The following CEP63 variants were observed in gnomAD, a reference collection of about 807,000 sequenced individuals.
CEP63 encodes centrosomal protein of 63 kDa.
A neutral mutation model predicts 89.1 loss-of-function variants in CEP63; 84 were observed. The observed-to-expected ratio is 0.94, with a 90% confidence interval of 0.79 to 1.13. CEP63 has a LOEUF of 1.13. Ranked by LOEUF, CEP63 falls within the 50% of genes most tolerant of loss-of-function variation. The probability of loss-of-function intolerance (pLI) is 0.00; values close to 1 mark genes in which losing one functional copy is unlikely to be tolerated. For missense variants in CEP63, 838 were observed against 813.3 expected (o/e 1.03, Z -0.37); for synonymous variants, 267 against 272.5 (o/e 0.98, Z 0.20).
At chr3:134,682,665 G>A in the CEP63 span, among the ~76,000 whole-genome samples, 2 of 152,196 alleles carry the variant, frequency 1.3e-5, no homozygotes, top group African/African-American at 4.8e-5. Flanking sequence ...GCATTGAGGA[G>A]TCTATTAGGA....
the CEP63 span, among the ~76,000 whole-genome samples, chr3:134,751,074 A>G: frequency 6.6e-6 from 1 of 152,246 alleles, no homozygotes; most frequent in Non-Finnish European, 1.5e-5. Flanking sequence ...AACTGGAATC[A>G]CACAATATGT....
the CEP63 span, among the ~76,000 whole-genome samples, chr3:134,662,504 C>T: frequency 6.6e-6 from 1 of 152,186 alleles, no homozygotes; most frequent in African/African-American, 2.4e-5. Flanking sequence ...TGGATGCCCA[C>T]TCTATGCTGG....
chr3:134,667,163 G>A, the CEP63 span, among the ~76,000 whole-genome samples: 2 of 152,140 alleles, frequency 1.3e-5, no homozygotes, highest in East Asian at 1.9e-4. Flanking sequence ...CCTTCATACC[G>A]CTGGCCCAGA....
At chr3:134,550,990 G>A (rs893869712) in intron 11 of CEP63, among the ~76,000 whole-genome samples, 16 of 152,326 alleles carry the variant, frequency 1.1e-4, no homozygotes, top group African/African-American at 3.6e-4. Flanking sequence ...TTAAGGAATG[G>A]TGCTCCACAG....
chr3:134,620,770 T>C, the CEP63 span: 1 of 1,613,668 alleles, frequency 6.2e-7, no homozygotes. Context: ...CAGATCCAGA[T>C]CCAGATGGCG....
the CEP63 span, among the ~76,000 whole-genome samples, chr3:134,782,267 G>T: frequency 6.6e-6 from 1 of 152,134 alleles, no homozygotes; most frequent in Non-Finnish European, 1.5e-5. Flanking sequence ...ATCCTTGAGT[G>T]TTTGGATTAG....
rs1418159247 is a variant in CEP63 at position 134,561,895 on chromosome 3, ACTTT to A, written c.*365_*368del. The A allele has an allele frequency of 9.4e-6, 10 of 1,067,120 alleles. No individual in the cohort carries two copies. The African/African-American group carries it at 1.7e-4, about 18-fold the overall frequency. The allele number at this position is 1,067,120 out of a possible 1,614,324, so 66.1% of individuals were successfully genotyped here. On this transcript the variant is annotated 3_prime_UTR_variant, in exon 15 of 15. Coordinates refer to ENST00000675561, the MANE Select transcript of CEP63 (RefSeq NM_001353108.3). Reference sequence around the variant, plus strand: ...TGTTGAAAATAAAGTAACTGCAGGAACTTTCTTTAGGGGAAATGTGTAGAAGCAT... The same window carrying A: ...TGTTGAAAATAAAGTAACTGCAGGAACTTTAGGGGAAATGTGTAGAAGCAT...
At chr3:134,626,619 T>A in the CEP63 span, among the ~76,000 whole-genome samples, 6 of 152,274 alleles carry the variant, frequency 3.9e-5, no homozygotes, top group East Asian at 1.2e-3. Flanking sequence ...TCTGGTGCTA[T>A]TAGACCTGAG....
chr3:134,623,802 G>C, the CEP63 span, among the ~76,000 whole-genome samples: 1 of 152,138 alleles, frequency 6.6e-6, no homozygotes, highest in African/African-American at 2.4e-5. Context: ...AGCTCACGCT[G>C]TTGACCACGT....
the CEP63 span, among the ~76,000 whole-genome samples, chr3:134,766,712 A>G: frequency 6.6e-6 from 1 of 152,206 alleles, no homozygotes; most frequent in Non-Finnish European, 1.5e-5. Context: ...GGGCAGACAA[A>G]TCACATGTAA....
chr3:134,605,972 TTCTC>T, the CEP63 span, among the ~76,000 whole-genome samples: 1 of 152,204 alleles, frequency 6.6e-6, no homozygotes, highest in Non-Finnish European at 1.5e-5. Context: ...TCTACATGCT[TTCTC>T]TACTGCCTTC....
chr3:134,487,594 TC>T (rs1936048653), intron 1 of CEP63, among the ~76,000 whole-genome samples: 1 of 152,198 alleles, frequency 6.6e-6, no homozygotes, highest in South Asian at 2.1e-4. Context: ...GACTTGAAAT[TC>T]AGCTAAAGCC....
chr3:134,509,683 G>A (rs1944379137), intron 3 of CEP63, among the ~76,000 whole-genome samples: 1 of 152,094 alleles, frequency 6.6e-6, no homozygotes, highest in Non-Finnish European at 1.5e-5. Context: ...TAAAAAAACA[G>A]ATCTGTTCCA....
intron 10 of CEP63, among the ~76,000 whole-genome samples, chr3:134,583,804 A>T (rs1402744443): frequency 6.6e-6 from 1 of 152,142 alleles, no homozygotes. Context: ...GATTCCTCCT[A>T]TCCATGAGTA....
chr3:134,735,206 C>T, the CEP63 span, among the ~76,000 whole-genome samples: 2 of 152,156 alleles, frequency 1.3e-5, no homozygotes, highest in Admixed American at 1.3e-4. Context: ...TTTTCTATAA[C>T]TTCATCAAGC....
the CEP63 span, among the ~76,000 whole-genome samples, chr3:134,775,628 C>T: frequency 6.6e-6 from 1 of 152,094 alleles, no homozygotes; most frequent in Admixed American, 6.5e-5. Flanking sequence ...CCCTACTAAA[C>T]TTGCACCCTA....
chr3:134,591,921 A>G (rs370417053), downstream of CEP63, among the ~76,000 whole-genome samples: 1 of 150,662 alleles, frequency 6.6e-6, no homozygotes, highest in Non-Finnish European at 1.5e-5. Flanking sequence ...CCAGACTGAG[A>G]TACTAAAATG....
the CEP63 span, among the ~76,000 whole-genome samples, chr3:134,669,560 C>T: frequency 1.6e-3 from 241 of 152,282 alleles, no homozygotes; most frequent in African/African-American, 5.4e-3. Context: ...GATTGATCAG[C>T]TTCCGCATGG....
chr3:134,496,089 C>T (rs1310933169), intron 2 of CEP63, among the ~76,000 whole-genome samples: 1 of 152,108 alleles, frequency 6.6e-6, no homozygotes, highest in East Asian at 1.9e-4. Context: ...GATAGATTAC[C>T]CAATAGTGTG....
Sources: allele counts gnomAD v4.1 joint callset (sites outside exome capture counted in the v4.1 genomes callset), GRCh38; gene constraint gnomAD v4.1.1; transcripts MANE v1.5; gene names NCBI Gene and HGNC (gene_info 2026-07-23, HGNC 2026-07-21).